PSEN1: variants seen among roughly 807,000 people sequenced by gnomAD.
PSEN1 encodes presenilin-1.
A neutral mutation model predicts 53.5 loss-of-function variants in PSEN1; 15 were observed. The observed-to-expected ratio is 0.28, with a 90% CI of 0.19 to 0.43. The LOEUF is 0.43. PSEN1 is among the 20% of genes least tolerant of loss of function. The pLI, the probability that PSEN1 is intolerant of heterozygous loss-of-function variation, is 1.00. For synonymous variants in PSEN1, 208 were observed against 209.8 expected (o/e 0.99, Z 0.08); for missense variants, 387 against 571.2 (o/e 0.68, Z 3.29).
At chr14:73,162,367 A>T (rs1335689081) in intron 3 of PSEN1, among the ~76,000 whole-genome samples, 1 of 151,796 alleles carries the variant, frequency 6.6e-6, no homozygotes, top group African/African-American at 2.4e-5. Context: ...AATCTCTTGC[A>T]TTGCTGATTC....
At chr14:73,181,595 TAAAA>T (rs563474000) in intron 5 of PSEN1, among the ~76,000 whole-genome samples, 7 of 151,646 alleles carry the variant, frequency 4.6e-5, no homozygotes, top group African/African-American at 1.7e-4. Context: ...CCCAGTCTCT[TAAAA>T]AAAAATCATA....
At chr14:73,217,795 ATT>A (rs746495189) in intron 11 of PSEN1, among the ~76,000 whole-genome samples, 13 of 126,272 alleles carry the variant, frequency 1.0e-4, no homozygotes, top group Non-Finnish European at 1.5e-4. Flanking sequence ...CAAAACTATG[ATT>A]TTTTTTTTTT....
intron 11 of PSEN1, among the ~76,000 whole-genome samples, chr14:73,217,576 T>C (rs1899966610): frequency 6.6e-6 from 1 of 152,216 alleles, no homozygotes; most frequent in Non-Finnish European, 1.5e-5. Context: ...AAATTAGCTC[T>C]GTAAGGTTGG....
chr14:73,166,245 G>A (rs1480941704), intron 3 of PSEN1, among the ~76,000 whole-genome samples: 1 of 152,112 alleles, frequency 6.6e-6, no homozygotes, highest in Non-Finnish European at 1.5e-5. Flanking sequence ...TGGGGACTCT[G>A]AATGAGCATA....
Position 73,192,812 on chromosome 14 carries a change from G to A in PSEN1, c.717G>A (p.Lys239=). 1 of 1,613,960 alleles carries A rather than the reference G, an allele frequency of 6.2e-7. No individual in the cohort carries two copies. Among genetic ancestry groups the A allele is most frequent in the Admixed American group, 1.7e-5 (1 of 60,008 alleles). Residue 239 remains lysine, a synonymous_variant, in exon 7 of 12, where the codon AAG becomes AAA. Transcript: ENST00000324501. ...CCCTCATGGCCCTGGTGTTTATCAA[G>A]TACCTCCCTGAATGGACTGCGTGGC... ...ISALMALVFI[K]YLPEWTAWLI...
intron 3 of PSEN1, among the ~76,000 whole-genome samples, chr14:73,162,213 TAAATG>T (rs1897567976): frequency 6.7e-6 from 1 of 149,388 alleles, no homozygotes; most frequent in African/African-American, 2.5e-5. Flanking sequence ...AAAAAGGACA[TAAATG>T]AAAAAGCACT....
chr14:73,193,954 G>A (rs191218391), intron 7 of PSEN1, among the ~76,000 whole-genome samples: 1 of 152,198 alleles, frequency 6.6e-6, no homozygotes, highest in South Asian at 2.1e-4. Context: ...ACTGCATCTG[G>A]CCTCAATTCA....
Position 73,219,323 on chromosome 14 carries a change from T to G in PSEN1, c.*34T>G. The G allele has an allele frequency of 1.3e-6, 2 of 1,592,120 alleles. No individual in the cohort carries two copies. Among genetic ancestry groups the G allele is most frequent in the Non-Finnish European group, 1.7e-6 (2 of 1,161,238 alleles). Reference sequence around the variant, plus strand: ...CGGTTAGAATCCCATGGATGTTTCTTCTTTGACTATAACAAAATCTGGGGA... The same window carrying G: ...CGGTTAGAATCCCATGGATGTTTCTGCTTTGACTATAACAAAATCTGGGGA... On this transcript the variant is annotated 3_prime_UTR_variant, in exon 12 of 12. Coordinates refer to ENST00000324501, the MANE Select transcript of PSEN1 (RefSeq NM_000021.4).
intron 10 of PSEN1, among the ~76,000 whole-genome samples, chr14:73,213,465 A>G (rs967249322): frequency 2.6e-5 from 4 of 152,016 alleles, no homozygotes; most frequent in African/African-American, 9.7e-5. Flanking sequence ...TCAGATCAGT[A>G]TTTTCTTTCT....
At chr14:73,146,822 G>C (rs954513185) in intron 1 of PSEN1, among the ~76,000 whole-genome samples, 1 of 152,164 alleles carries the variant, frequency 6.6e-6, no homozygotes, top group Non-Finnish European at 1.5e-5. Context: ...ATTAGCGTTA[G>C]GTATGTACAC....
chr14:73,212,088 C>CTTTTCTTTTTTTTTTTTTTTTTTTTTTT (rs1899716021), intron 10 of PSEN1, 146 bp downstream of exon 10: 1 of 66,914 alleles, frequency 1.5e-5, no homozygotes, highest in Non-Finnish European at 2.8e-5. Flanking sequence ...AGTAATAGTG[C>CTTTTCTTTTTTTTTTTTTTTTTTTTTTT]TTTTTTTTTT....
At chr14:73,194,139 A>C (rs1898839262) in intron 7 of PSEN1, among the ~76,000 whole-genome samples, 1 of 152,222 alleles carries the variant, frequency 6.6e-6, no homozygotes, top group Non-Finnish European at 1.5e-5. Flanking sequence ...GCTTTCAGGT[A>C]CGTACTCTGT....
At chr14:73,151,894 ATTTTTTTTTTTTTTTTTTTTTTT>A (rs56754992) in intron 3 of PSEN1, among the ~76,000 whole-genome samples, 2 of 38,952 alleles carry the variant, frequency 5.1e-5, no homozygotes, top group Non-Finnish European at 8.1e-5. Flanking sequence ...ATATATATAT[ATTTTTTTTTTTTTTTTTTTTTTT>A]TTTTTTTTTT....
At chr14:73,159,130 T>C (rs1343670306) in intron 3 of PSEN1, among the ~76,000 whole-genome samples, 1 of 152,110 alleles carries the variant, frequency 6.6e-6, no homozygotes, top group Non-Finnish European at 1.5e-5. Flanking sequence ...AAGTGTTTTC[T>C]CCCAGACTGT....
At position 73,219,497 on chromosome 14, in the gene PSEN1, A is replaced by G; in HGVS notation, c.*208A>G. ...TAGAAAACGATTTTGAACATACTTC[A>G]TCGCAGTGGACTGTGTCCCTCGGTG... is the stretch of plus-strand genomic sequence containing the variant. On this transcript the variant is annotated 3_prime_UTR_variant, in exon 12 of 12. Coordinates refer to ENST00000324501, the MANE Select transcript of PSEN1 (RefSeq NM_000021.4). 1 of 594,058 alleles carries G rather than the reference A, an allele frequency of 1.7e-6. No homozygotes were observed. Among genetic ancestry groups the G allele is most frequent in the Non-Finnish European group, 3.0e-6 (1 of 331,438 alleles). 36.8% of individuals were successfully genotyped at this position (594,058 alleles called of 1,614,324 possible). A position where few individuals can be genotyped will look rare whatever the true frequency, so the allele number is the denominator to read the frequency against.
intron 3 of PSEN1, among the ~76,000 whole-genome samples, chr14:73,150,640 C>T (rs2140513392): frequency 6.6e-6 from 1 of 151,782 alleles, no homozygotes; most frequent in East Asian, 1.9e-4. Context: ...ATGGCAGGCA[C>T]CTGTAATCCC....
At chr14:73,148,242 A>G (rs997232415) in intron 3 of PSEN1, 136 bp downstream of exon 3, 3 of 755,878 alleles carry the variant, frequency 4.0e-6, no homozygotes, top group Non-Finnish European at 6.9e-6. Flanking sequence ...GGTGAACTTC[A>G]GCTGATTGCT....
intron 11 of PSEN1, among the ~76,000 whole-genome samples, chr14:73,218,126 C>T (rs1899997844): frequency 8.4e-6 from 1 of 119,478 alleles, no homozygotes; most frequent in South Asian, 2.9e-4. Flanking sequence ...GAGTCTTGCT[C>T]TGTCGCCCAA....
At chr14:73,184,676 G>A (rs1252762416) in intron 5 of PSEN1, among the ~76,000 whole-genome samples, 3 of 146,594 alleles carry the variant, frequency 2.0e-5, no homozygotes, top group Non-Finnish European at 1.5e-5. Flanking sequence ...CGGACGGAGC[G>A]GCTGGCGGGG....
Sources: allele counts gnomAD v4.1 joint callset (sites outside exome capture counted in the v4.1 genomes callset), GRCh38; gene constraint gnomAD v4.1.1; transcripts MANE v1.5; gene names NCBI Gene and HGNC (gene_info 2026-07-23, HGNC 2026-07-21).